The following ANPEP variants were observed in gnomAD, a reference collection of about 807,000 sequenced individuals.
The protein encoded by ANPEP is aminopeptidase N.
A neutral mutation model predicts 114.6 loss-of-function variants in ANPEP; 70 were observed. The ratio of observed to expected loss-of-function variants is 0.61; its 90% CI spans 0.50 to 0.75. The LOEUF (loss-of-function observed/expected upper bound fraction) is 0.75. Ranked by LOEUF, ANPEP falls within the 30% of genes least tolerant of loss-of-function variation. The pLI, the probability that ANPEP is intolerant of heterozygous loss-of-function variation, is 0.00. For missense variants in ANPEP, 1,184 were observed against 1,259.5 expected (o/e 0.94, Z 0.91); for synonymous variants, 548 against 522.3 (o/e 1.05, Z -0.67).
chr15:89,797,626 C>G lies in ANPEP; in HGVS notation c.2106G>C (p.Leu702=), dbSNP rs1384877777. The part of the protein sequence containing the change: ...YMPWEAALSS[L]SYFKLMFDRS... ...GGTCAAACATGAGCTTGAAGTAGCT[C>G]AGGCTGCTCAGGGCGGCCTCCCAGG... Residue 702 remains leucine (L), a synonymous_variant, in exon 15 of 21, where the codon CTG becomes CTC. Coordinates refer to ENST00000300060, the MANE Select transcript of ANPEP (RefSeq NM_001150.3). 6.2e-7 allele frequency: 1 copy of G among 1,614,184 alleles called. No individual in the cohort carries two copies.
chr15:89,801,347 C>A, intron 11 of ANPEP, 88 bp downstream of exon 11: 2 of 1,564,198 alleles, frequency 1.3e-6, no homozygotes, highest in South Asian at 1.2e-5. Context: ...GGGGCTGGGA[C>A]CACAGGAGGC....
chr15:89,787,959 A>C (rs1305477378), intron 20 of ANPEP, among the ~76,000 whole-genome samples: 7 of 152,244 alleles, frequency 4.6e-5, no homozygotes, highest in Non-Finnish European at 1.0e-4. Context: ...CTAGATGACT[A>C]TACTAAAAAA....
intron 12 of ANPEP, among the ~76,000 whole-genome samples, chr15:89,800,890 G>A (rs547323295): frequency 1.2e-4 from 18 of 152,162 alleles, no homozygotes; most frequent in African/African-American, 2.2e-4. Flanking sequence ...AACTAATGGA[G>A]TATTGCTCTT....
chr15:89,805,930 C>A, intron 2 of ANPEP, 40 bp downstream of exon 2: 2 of 1,557,472 alleles, frequency 1.3e-6, no homozygotes, highest in Non-Finnish European at 1.7e-6. Context: ...TGCCTCAGCA[C>A]CTCGGATCCA....
intron 20 of ANPEP, among the ~76,000 whole-genome samples, chr15:89,786,069 T>C (rs1232022997): frequency 3.9e-5 from 6 of 152,208 alleles, no homozygotes; most frequent in East Asian, 1.9e-4. Flanking sequence ...GGTTGCAGGA[T>C]ACAAGAGCAA....
chr15:89,790,567 G>A, intron 19 of ANPEP, 26 bp from the exon 20 acceptor site: 1 of 1,598,506 alleles, frequency 6.3e-7, no homozygotes, highest in Non-Finnish European at 8.6e-7. Context: ...GAGGTGAACT[G>A]TGAGGGAGGC....
At chr15:89,812,992 C>T (rs1894842649) in intron 1 of ANPEP, among the ~76,000 whole-genome samples, 1 of 152,248 alleles carries the variant, frequency 6.6e-6, no homozygotes, top group Non-Finnish European at 1.5e-5. Flanking sequence ...GGGCTGCTTC[C>T]AGACACAGGC....
At chr15:89,790,913 T>C in intron 19 of ANPEP, 40 bp downstream of exon 19, 1 of 1,604,742 alleles carries the variant, frequency 6.2e-7, no homozygotes, top group Non-Finnish European at 8.5e-7. Context: ...GGCCCCAGCC[T>C]CGGCGCTCGC....
At chr15:89,807,403 A>G (rs1894736680) in intron 1 of ANPEP, among the ~76,000 whole-genome samples, 1 of 152,220 alleles carries the variant, frequency 6.6e-6, no homozygotes, top group African/African-American at 2.4e-5. Flanking sequence ...TAGTAGAATG[A>G]TTAAAAATCA....
intron 10 of ANPEP, 117 bp from the exon 11 acceptor site, chr15:89,801,724 G>C: frequency 2.4e-6 from 3 of 1,238,190 alleles, no homozygotes; most frequent in South Asian, 2.9e-5. Flanking sequence ...GGGAGGCCTG[G>C]GAAGGGCACT....
rs1207754416 is a variant in ANPEP at position 89,805,109 on chromosome 15, TA to T, written c.865del (p.Tyr289ThrfsTer11). On this transcript the variant is annotated frameshift_variant, in exon 4 of 21. Transcript: ENST00000300060. LOFTEE classifies it high-confidence loss of function. Reference sequence around the variant, plus strand: ...ACCATTGGATGCCTGCTTCTCCACGTAGTCGAACTCACTGACAATGAAGGCC... The same window carrying T: ...ACCATTGGATGCCTGCTTCTCCACGTGTCGAACTCACTGACAATGAAGGCC... ...LLAFIVSEFD[Y>X]VEKQASNGVL... The T allele has an allele frequency of 2.5e-6, 4 of 1,614,220 alleles. No individual in the cohort carries two copies. Among genetic ancestry groups the T allele is most frequent in the Non-Finnish European group, 3.4e-6 (4 of 1,180,040 alleles).
In ANPEP at chr15:89,792,471, C is replaced by T; in HGVS notation, c.2341G>A (p.Glu781Lys). ...MVSGLFKQWM[E>K]NPNNNPIHPN... ...ACTCACGGGTTATTATTGGGGTTCTCCATCCACTGCTTGAAAAGGCCAGAG... is the reference window on the plus strand; with the variant it reads ...ACTCACGGGTTATTATTGGGGTTCTTCATCCACTGCTTGAAAAGGCCAGAG... The change falls in exon 17 of 21, where the codon GAG becomes AAG. Residue 781 changes from glutamate to lysine, a missense_variant. Glu to Lys is a moderately conservative substitution (Grantham distance 56, BLOSUM62 1). Coordinates refer to ENST00000300060, the MANE Select transcript of ANPEP (RefSeq NM_001150.3). 6.2e-7 allele frequency: 1 copy of T among 1,614,116 alleles called. No homozygotes were observed. Among genetic ancestry groups the T allele is most frequent in the Non-Finnish European group, 8.5e-7 (1 of 1,180,008 alleles).
At chr15:89,801,989 C>CA (rs1894603201) in intron 10 of ANPEP, among the ~76,000 whole-genome samples, 1 of 149,280 alleles carries the variant, frequency 6.7e-6, no homozygotes, top group African/African-American at 2.5e-5. Flanking sequence ...GGGTGGGGGA[C>CA]GGGGCCCTGG....
chr15:89,801,011 C>T, intron 12 of ANPEP, 100 bp downstream of exon 12: 3 of 1,037,174 alleles, frequency 2.9e-6, no homozygotes, highest in Admixed American at 2.2e-5. Flanking sequence ...AAGTCAAGTC[C>T]ATTTGTTGAA....
In ANPEP at chr15:89,808,429, T is replaced by C. The variant is rs922248709; in HGVS notation, c.-223-1623A>G. The stretch of plus-strand genomic sequence containing the variant: ...CTTGAGTCCTGGACTGCAGGCCCCA[T>C]GACAGCAGGGCCTCACCAGCACTTA... On this transcript the variant is annotated intron_variant, in intron 1 of 20. Transcript: ENST00000300060. Among the ~76,000 whole-genome samples the C allele has an allele frequency of 3.3e-5, 5 of 152,216 alleles. 2 individuals are homozygous for C. In the South Asian group the frequency reaches 1.0e-3, roughly 32 times the overall value.
chr15:89,811,448 C>A (rs894656970), intron 1 of ANPEP, among the ~76,000 whole-genome samples: 4 of 151,700 alleles, frequency 2.6e-5, no homozygotes, highest in Non-Finnish European at 4.4e-5. Context: ...AGATCGAGAC[C>A]ATCCTGGCTA....
chr15:89,801,028 G>A, intron 12 of ANPEP, 83 bp downstream of exon 12: 1 of 1,182,632 alleles, frequency 8.5e-7, no homozygotes. Context: ...TGAATGGAAT[G>A]GCCCATCACA....
At chr15:89,808,185 T>C (rs888231118) in intron 1 of ANPEP, among the ~76,000 whole-genome samples, 1 of 152,202 alleles carries the variant, frequency 6.6e-6, no homozygotes, top group African/African-American at 2.4e-5. Flanking sequence ...CTGGCCTTCA[T>C]CAAGCCCCAG....
chr15:89,809,105 G>T (rs1894774965), intron 1 of ANPEP, among the ~76,000 whole-genome samples: 1 of 152,208 alleles, frequency 6.6e-6, no homozygotes, highest in Non-Finnish European at 1.5e-5. Flanking sequence ...GTCAGGAAGG[G>T]CTCCAGCTTG....
Sources: gnomAD v4.1 joint callset for allele counts (sites outside exome capture counted in the v4.1 genomes callset) on GRCh38, gnomAD v4.1.1 for gene constraint, MANE v1.5 for transcripts, NCBI Gene and HGNC (gene_info 2026-07-23, HGNC 2026-07-21) for gene names.